JADE3: variants seen among roughly 807,000 people sequenced by gnomAD.
JADE3 encodes the protein jade family PHD finger 3, also known as protein Jade-3.
JADE3 carries 2 observed loss-of-function variants against 50.1 expected under a neutral mutation model. The ratio of observed to expected loss-of-function variants is 0.04; its 90% CI spans 0.02 to 0.13. JADE3 has a LOEUF of 0.13. JADE3 is among the 10% of genes least tolerant of loss of function. The probability of loss-of-function intolerance (pLI) is 1.00; values close to 1 mark genes in which losing one functional copy is unlikely to be tolerated. For missense variants in JADE3, 475 were observed against 634.4 expected (o/e 0.75, Z 2.70); for synonymous variants, 218 against 232.9 (o/e 0.94, Z 0.58).
Position 47,024,141 on chromosome X carries a change from A to G in JADE3, c.285-583A>G, listed in dbSNP as rs188975190. 3.3e-3 allele frequency among the ~76,000 whole-genome samples: 373 copies of G among 112,112 alleles called. 1 individual carries two copies. The highest frequency in any genetic ancestry group is 5.4e-3 in the Non-Finnish European group (288 of 53,219). Reference sequence around the variant, plus strand: ...CCCAGGTTGGTTTCCTCTTCTAAATAAACTTGGTGGCCATTGTACCAAGAA... The same window carrying G: ...CCCAGGTTGGTTTCCTCTTCTAAATGAACTTGGTGGCCATTGTACCAAGAA... On this transcript the variant is annotated intron_variant, in intron 4 of 10. Transcript: ENST00000614628.
chrX:47,009,621 T>G (rs1928511163), intron 4 of JADE3, among the ~76,000 whole-genome samples: 1 of 109,226 alleles, frequency 9.2e-6, no homozygotes, highest in Non-Finnish European at 1.9e-5. Flanking sequence ...CCTTTCTTTT[T>G]TTTTTTTTTC....
intron 4 of JADE3, among the ~76,000 whole-genome samples, chrX:47,006,951 G>A (rs1928440640): frequency 1.8e-5 from 2 of 108,696 alleles, no homozygotes; most frequent in Admixed American, 2.0e-4. Context: ...TTCTGTTGCT[G>A]ATTTCTAGTT....
At chrX:46,926,320 C>G (rs1926365392) in intron 1 of JADE3, among the ~76,000 whole-genome samples, 1 of 109,298 alleles carries the variant, frequency 9.1e-6, no homozygotes, top group Admixed American at 9.8e-5. Flanking sequence ...TTGTCACTCA[C>G]TGTAGCTTCG....
At chrX:47,005,235 CT>C (rs1236101464) in intron 4 of JADE3, among the ~76,000 whole-genome samples, 3 of 110,939 alleles carry the variant, frequency 2.7e-5, no homozygotes, top group Non-Finnish European at 5.7e-5. Context: ...GACAGGAAAC[CT>C]TTTTTTTATT....
At chrX:46,981,322 T>C in intron 1 of JADE3, among the ~76,000 whole-genome samples, 1 of 112,449 alleles carries the variant, frequency 8.9e-6, no homozygotes, top group East Asian at 2.8e-4. Context: ...CTGAACAATT[T>C]TTATATATGC....
At chrX:46,982,094 T>C (rs1927767570) in intron 1 of JADE3, among the ~76,000 whole-genome samples, 1 of 111,251 alleles carries the variant, frequency 9.0e-6, no homozygotes, top group South Asian at 3.7e-4. Context: ...CTTTTGGTAC[T>C]CCCATTATGT....
rs368009548 is a variant in JADE3, at chrX:47,058,456, G to A, written c.1851G>A (p.Lys617=). Residue 617 remains lysine (K), a synonymous_variant, in exon 11 of 11, where the codon AAG becomes AAA. Coordinates refer to ENST00000614628, the MANE Select transcript of JADE3 (RefSeq NM_014735.5). ...ASLSHSRSEA[K]ESSPAWRTPS... ...TCAGCCATTCTAGGAGTGAAGCAAA[G>A]GAGTCCAGTCCTGCTTGGAGAACCC... is the stretch of plus-strand genomic sequence containing the variant. 7 of 1,209,606 alleles carry A rather than the reference G, an allele frequency of 5.8e-6. No homozygotes were observed. Among genetic ancestry groups the A allele is most frequent in the Non-Finnish European group, 7.8e-6 (7 of 895,053 alleles).
At chrX:46,962,576 GA>G (rs199812100) in intron 1 of JADE3, among the ~76,000 whole-genome samples, 12 of 108,467 alleles carry the variant, frequency 1.1e-4, no homozygotes, top group African/African-American at 6.7e-5. Flanking sequence ...TTTGAATTGA[GA>G]AAAAAAAATG....
chrX:46,913,905 C>CG (rs1926025896), intron 1 of JADE3, among the ~76,000 whole-genome samples: 1 of 110,299 alleles, frequency 9.1e-6, no homozygotes, highest in Admixed American at 9.7e-5. Context: ...TGTGTGTGTG[C>CG]CGTGAGGTGC....
chrX:46,950,001 G>A (rs1556344400), intron 1 of JADE3, among the ~76,000 whole-genome samples: 1 of 111,691 alleles, frequency 9.0e-6, no homozygotes, highest in Non-Finnish European at 1.9e-5. Context: ...TTCATAAAAT[G>A]TAATAAAAGA....
intron 8 of JADE3, among the ~76,000 whole-genome samples, chrX:47,053,092 G>C (rs1018969797): frequency 3.7e-5 from 4 of 108,890 alleles, no homozygotes; most frequent in African/African-American, 1.3e-4. Flanking sequence ...GCCACTCATG[G>C]CTACTTGGCC....
chrX:46,982,307 G>T (rs1367998945), intron 1 of JADE3, among the ~76,000 whole-genome samples: 3 of 110,810 alleles, frequency 2.7e-5, no homozygotes, highest in Non-Finnish European at 3.8e-5. Context: ...TTTCTATTTG[G>T]TTATTTTTTA....
chrX:47,026,525 C>G (rs782225781), intron 5 of JADE3, among the ~76,000 whole-genome samples: 3 of 110,971 alleles, frequency 2.7e-5, no homozygotes, highest in Non-Finnish European at 5.7e-5. Context: ...TTTTTCTGTT[C>G]CAGGATCCCA....
At chrX:46,970,989 T>G (rs1029928839) in intron 1 of JADE3, among the ~76,000 whole-genome samples, 1 of 111,389 alleles carries the variant, frequency 9.0e-6, no homozygotes, top group African/African-American at 3.3e-5. Flanking sequence ...CTTATTGATT[T>G]ACTTTACTCT....
intron 1 of JADE3, among the ~76,000 whole-genome samples, chrX:46,958,392 G>A (rs1344356513): frequency 9.0e-6 from 1 of 111,507 alleles, no homozygotes; most frequent in Non-Finnish European, 1.9e-5. Context: ...CCCTCTTAGG[G>A]TCAATAACCC....
chrX:46,949,921 A>G (rs1395465342), intron 1 of JADE3, among the ~76,000 whole-genome samples: 2 of 111,900 alleles, frequency 1.8e-5, no homozygotes, highest in Non-Finnish European at 3.8e-5. Context: ...TATCAGCTAT[A>G]TTTCTAATAA....
At chrX:46,983,803 AATT>A (rs1161637595) in intron 1 of JADE3, among the ~76,000 whole-genome samples, 1 of 111,646 alleles carries the variant, frequency 9.0e-6, no homozygotes, top group Non-Finnish European at 1.9e-5. Context: ...GTTTTTTTTT[AATT>A]GAAATAACTT....
chrX:47,031,960 G>A (rs1929028307), intron 6 of JADE3, among the ~76,000 whole-genome samples: 1 of 111,810 alleles, frequency 8.9e-6, no homozygotes, highest in Non-Finnish European at 1.9e-5. Flanking sequence ...CAGGCAGTGG[G>A]ACAAACGCAA....
At chrX:46,926,990 T>G (rs1926384703) in intron 1 of JADE3, among the ~76,000 whole-genome samples, 1 of 112,499 alleles carries the variant, frequency 8.9e-6, no homozygotes. Context: ...TGTGTGCATA[T>G]AAGTTTGCAT....
Sources: gnomAD v4.1 joint callset for allele counts (sites outside exome capture counted in the v4.1 genomes callset) on GRCh38, gnomAD v4.1.1 for gene constraint, MANE v1.5 for transcripts, NCBI Gene and HGNC (gene_info 2026-07-23, HGNC 2026-07-21) for gene names.